The following TBCCD1 variants were observed in gnomAD, a reference collection of about 807,000 sequenced individuals.
The protein encoded by TBCCD1 is TBCC domain-containing protein 1.
TBCCD1 carries 26 observed loss-of-function variants against 53.4 expected under a neutral mutation model. The observed-to-expected ratio is 0.49, with a 90% CI of 0.36 to 0.68. The LOEUF (loss-of-function observed/expected upper bound fraction) is 0.68. Among genes scored for constraint, TBCCD1 ranks in the 30% least tolerant of loss-of-function variants. The pLI, the probability that TBCCD1 is intolerant of heterozygous loss-of-function variation, is 0.00. For missense variants in TBCCD1, 558 were observed against 669.5 expected (o/e 0.83, Z 1.84); for synonymous variants, 245 against 241.7 (o/e 1.01, Z -0.13).
intron 1 of TBCCD1, among the ~76,000 whole-genome samples, chr3:186,564,963 G>T (rs963582591): frequency 2.6e-5 from 4 of 152,116 alleles, no homozygotes; most frequent in African/African-American, 9.7e-5. Flanking sequence ...CTCAGTTCAG[G>T]TGTGATTTTT....
At position 186,564,101 on chromosome 3, in the gene TBCCD1, C is replaced by T. The variant is rs374199520; in HGVS notation, c.229G>A (p.Glu77Lys). ...TTCATTGAAAGACTATCAAATATTTCGAAGTAAAGCCACGCCAGGTCCTTG... is the reference window on the plus strand; with the variant it reads ...TTCATTGAAAGACTATCAAATATTTTGAAGTAAAGCCACGCCAGGTCCTTG... ...LAKDLAWLYF[E>K]IFDSLSMKTP... Residue 77 changes from glutamate to lysine, a missense_variant, in exon 2 of 8, where the codon GAA becomes AAA. Transcript: ENST00000338733. 95 of 1,614,048 alleles carry T rather than the reference C, an allele frequency of 5.9e-5. No individual in the cohort carries two copies. The highest frequency in any genetic ancestry group is 7.3e-5 in the Non-Finnish European group (86 of 1,180,048).
At chr3:186,547,549 C>T (rs1034066515) in intron 7 of TBCCD1, among the ~76,000 whole-genome samples, 2 of 151,780 alleles carry the variant, frequency 1.3e-5, no homozygotes, top group African/African-American at 4.8e-5. Flanking sequence ...GGCCACTGCG[C>T]TCAGCCAAAT....
intron 3 of TBCCD1, among the ~76,000 whole-genome samples, chr3:186,557,922 T>C (rs969848427): frequency 1.3e-5 from 2 of 152,202 alleles, no homozygotes; most frequent in African/African-American, 2.4e-5. Context: ...ATATTTTGGT[T>C]TTCTTTACAA....
chr3:186,565,418 T>C (rs1714799963), intron 1 of TBCCD1, among the ~76,000 whole-genome samples: 1 of 152,198 alleles, frequency 6.6e-6, no homozygotes, highest in South Asian at 2.1e-4. Context: ...CCTCTTTGTC[T>C]TTTTTCTACA....
chr3:186,563,961 A>G (rs755056025), intron 2 of TBCCD1, 33 bp downstream of exon 2: 2 of 1,510,466 alleles, frequency 1.3e-6, no homozygotes, highest in Non-Finnish European at 1.8e-6. Context: ...TCTTTCCAAA[A>G]GTAATTAAGT....
intron 7 of TBCCD1, among the ~76,000 whole-genome samples, chr3:186,547,633 G>C (rs534215929): frequency 2.1e-5 from 3 of 144,586 alleles, no homozygotes; most frequent in Admixed American, 7.0e-5. Flanking sequence ...TTAAGACGGA[G>C]TCTCGCTCTG....
At chr3:186,563,927 T>A in intron 2 of TBCCD1, 67 bp downstream of exon 2, 1 of 1,483,576 alleles carries the variant, frequency 6.7e-7, no homozygotes, top group African/African-American at 1.4e-5. Context: ...GCAAAAACAT[T>A]TTTTAATTTA....
rs1714861715 is a variant in TBCCD1 at position 186,567,261 on chromosome 3, G to GAA, written c.-44+5_-44+6insTT. 2 of 152,394 alleles carry GAA rather than the reference G, an allele frequency of 1.3e-5. No homozygotes were observed. The highest frequency in any genetic ancestry group is 1.3e-4 in the Admixed American group (2 of 15,278). The allele number at this position is 152,394 out of a possible 1,614,324, so 9.4% of individuals were successfully genotyped here. A position where few individuals can be genotyped will look rare whatever the true frequency, so the allele number is the denominator to read the frequency against. On this transcript the variant is annotated splice_donor_region_variant and intron_variant, in intron 1 of 7. Transcript: ENST00000338733. The stretch of plus-strand genomic sequence containing the variant: ...GCCCTCCCCGGCGCACCCAGTGCGC[G>GAA]GTTACCTGCTAATGCAGGCGCCGCT...
chr3:186,564,491 G>A, intron 1 of TBCCD1, 119 bp from the exon 2 acceptor site: 1 of 623,466 alleles, frequency 1.6e-6, no homozygotes, highest in South Asian at 2.7e-5. Flanking sequence ...CATCTTAAAA[G>A]GCAGCTCTAG....
intron 3 of TBCCD1, 26 bp from the exon 4 acceptor site, chr3:186,556,801 TC>T: frequency 6.3e-7 from 1 of 1,596,898 alleles, no homozygotes; most frequent in Admixed American, 1.8e-5. Flanking sequence ...AAGAAAGCAC[TC>T]TTAATAAAGA....
intron 4 of TBCCD1, among the ~76,000 whole-genome samples, chr3:186,555,618 G>A (rs778795126): frequency 1.3e-5 from 2 of 152,108 alleles, no homozygotes; most frequent in African/African-American, 2.4e-5. Context: ...GAGTGCAGTG[G>A]TGCAATCTCA....
chr3:186,559,108 T>C (rs1318959235), intron 2 of TBCCD1, among the ~76,000 whole-genome samples: 1 of 152,182 alleles, frequency 6.6e-6, no homozygotes, highest in African/African-American at 2.4e-5. Context: ...ATAACATCTA[T>C]GGCTATAGAA....
At chr3:186,550,794 G>A (rs1198091711) in intron 7 of TBCCD1, among the ~76,000 whole-genome samples, 3 of 152,144 alleles carry the variant, frequency 2.0e-5, no homozygotes, top group African/African-American at 7.2e-5. Flanking sequence ...GAGGGGAATG[G>A]ATAAGAGGAA....
At chr3:186,568,923 GA>G (rs1192524819), upstream of TBCCD1, among the ~76,000 whole-genome samples, 334 of 114,434 alleles carry the variant, frequency 2.9e-3, 4 homozygotes, top group African/African-American at 0.012. Context: ...AAGAAATAAA[GA>G]AAAGAAAACA....
At chr3:186,570,143 T>C, upstream of TBCCD1, 1 of 702,844 alleles carries the variant, frequency 1.4e-6, no homozygotes, top group South Asian at 1.5e-5. Flanking sequence ...CGAACTTAAG[T>C]CGGTCTGTCA....
Position 186,546,184 on chromosome 3 carries a change from A to G in TBCCD1, c.*793T>C, listed in dbSNP as rs1309456697. Reference sequence around the variant, plus strand: ...TAAAATATAGTATAAAACTATTTCTATGTCTATATACCAACAAATCATACT... The same window carrying G: ...TAAAATATAGTATAAAACTATTTCTGTGTCTATATACCAACAAATCATACT... On this transcript the variant is annotated 3_prime_UTR_variant, in exon 8 of 8. Transcript: ENST00000338733. 6.6e-6 allele frequency: 1 copy of G among 152,212 alleles called. No homozygotes were observed. Among genetic ancestry groups the G allele is most frequent in the Non-Finnish European group, 1.5e-5 (1 of 68,026 alleles). The allele number at this position is 152,212 out of a possible 1,614,324, so 9.4% of individuals were successfully genotyped here. A position where few individuals can be genotyped will look rare whatever the true frequency, so the allele number is the denominator to read the frequency against.
chr3:186,549,236 C>T (rs1400863103), intron 7 of TBCCD1, among the ~76,000 whole-genome samples: 1 of 151,992 alleles, frequency 6.6e-6, no homozygotes, highest in Non-Finnish European at 1.5e-5. Flanking sequence ...TGCAGTGAGC[C>T]GAGACCGCAC....
intron 7 of TBCCD1, among the ~76,000 whole-genome samples, chr3:186,550,513 GA>G (rs1351401896): frequency 1.3e-5 from 2 of 151,756 alleles, no homozygotes; most frequent in East Asian, 3.9e-4. Flanking sequence ...TTGAACCCAG[GA>G]GGCGGAAGCT....
intron 2 of TBCCD1, 140 bp from the exon 3 acceptor site, chr3:186,558,712 A>G: frequency 1.2e-6 from 1 of 809,974 alleles, no homozygotes; most frequent in Non-Finnish European, 1.9e-6. Context: ...TTTGATATGT[A>G]TGTCTCTGGT....
Sources: gnomAD v4.1 joint callset for allele counts (sites outside exome capture counted in the v4.1 genomes callset) on GRCh38, gnomAD v4.1.1 for gene constraint, MANE v1.5 for transcripts, NCBI Gene and HGNC (gene_info 2026-07-23, HGNC 2026-07-21) for gene names.